RORB: variants seen among roughly 807,000 people sequenced by gnomAD.
RORB encodes the protein RAR related orphan receptor B, also known as nuclear receptor ROR-beta.
A neutral mutation model predicts 59.1 loss-of-function variants in RORB; 6 were observed. The observed-to-expected ratio is 0.10, with a 90% CI of 0.06 to 0.20. The LOEUF (loss-of-function observed/expected upper bound fraction) is 0.20. Among genes scored for constraint, RORB ranks in the 10% least tolerant of loss-of-function variants. The pLI is 1.00. For synonymous variants in RORB, 215 were observed against 204.5 expected, an observed-to-expected ratio of 1.05 and a Z score of -0.44; for missense variants, 320 against 560.5, an observed-to-expected ratio of 0.57 and a Z score of 4.33.
intron 1 of RORB, among the ~76,000 whole-genome samples, chr9:74,621,934 T>C (rs1480544683): frequency 6.6e-6 from 1 of 152,250 alleles, no homozygotes; most frequent in Non-Finnish European, 1.5e-5. Flanking sequence ...TTTGTATATT[T>C]TGGATTCAAG....
chr9:74,571,412 A>AT, intron 1 of RORB, among the ~76,000 whole-genome samples: 1 of 151,904 alleles, frequency 6.6e-6, no homozygotes, highest in African/African-American at 2.4e-5. Context: ...AAAAAAAAAA[A>AT]AAAAACACAG....
At chr9:74,623,898 A>G (rs1365290624) in intron 1 of RORB, among the ~76,000 whole-genome samples, 1 of 152,244 alleles carries the variant, frequency 6.6e-6, no homozygotes, top group Non-Finnish European at 1.5e-5. Context: ...AGCCGCTACA[A>G]CTTATAAAGT....
rs367570994 is a variant in RORB at position 74,685,646 on chromosome 9, A to G, written c.*28A>G. The G allele has an allele frequency of 1.2e-4, 177 of 1,520,738 alleles. No homozygotes were observed. The highest frequency in any genetic ancestry group is 1.6e-4 in the Admixed American group (8 of 51,520). The allele number at this position is 1,520,738 out of a possible 1,614,324, so 94.2% of individuals were successfully genotyped here. A position where few individuals can be genotyped will look rare whatever the true frequency, so the allele number is the denominator to read the frequency against. The stretch of plus-strand genomic sequence containing the variant: ...GGGACAAGAGAACTGTCTCATAGTC[A>G]TGGAATGCATCACCATTAAGACAAA... On this transcript the variant is annotated 3_prime_UTR_variant, in exon 10 of 10. Transcript: ENST00000376896.
intron 5 of RORB, 47 bp from the exon 6 acceptor site, chr9:74,662,427 C>CAGT: frequency 1.2e-6 from 2 of 1,602,892 alleles, no homozygotes; most frequent in Non-Finnish European, 1.7e-6. Context: ...TGTTGACTCT[C>CAGT]CGTAAGTCGT....
intron 1 of RORB, among the ~76,000 whole-genome samples, chr9:74,614,614 AG>A (rs1192892607): frequency 2.0e-5 from 3 of 152,152 alleles, no homozygotes; most frequent in Non-Finnish European, 4.4e-5. Context: ...AAATAAGAAA[AG>A]GTTTGTGATA....
intron 1 of RORB, among the ~76,000 whole-genome samples, chr9:74,590,849 T>C (rs1000845298): frequency 2.6e-5 from 4 of 152,234 alleles, no homozygotes; most frequent in Non-Finnish European, 5.9e-5. Flanking sequence ...TGGAGTGCAG[T>C]GCAGTGGTGC....
chr9:74,534,157 A>G (rs2118108807), intron 1 of RORB, among the ~76,000 whole-genome samples: 1 of 152,128 alleles, frequency 6.6e-6, no homozygotes, highest in East Asian at 1.9e-4. Flanking sequence ...GGCGAGGTTC[A>G]TATACGGATA....
chr9:74,566,525 A>G (rs969674422), intron 1 of RORB, among the ~76,000 whole-genome samples: 15 of 152,188 alleles, frequency 9.9e-5, no homozygotes, highest in Non-Finnish European at 2.1e-4. Flanking sequence ...GGCCGGGCAC[A>G]GTGGCTCACA....
chr9:74,549,294 A>C (rs1483678733), intron 1 of RORB, among the ~76,000 whole-genome samples: 2 of 151,910 alleles, frequency 1.3e-5, no homozygotes, highest in South Asian at 4.2e-4. Context: ...AAATACAAAA[A>C]TTAGCTGGGC....
intron 1 of RORB, among the ~76,000 whole-genome samples, chr9:74,542,437 T>C (rs1254862842): frequency 6.6e-6 from 1 of 152,040 alleles, no homozygotes; most frequent in Non-Finnish European, 1.5e-5. Context: ...TAGACACAAC[T>C]GAAGAGAGAC....
At chr9:74,662,416 C>T in intron 5 of RORB, 58 bp from the exon 6 acceptor site, 3 of 1,576,042 alleles carry the variant, frequency 1.9e-6, no homozygotes, top group South Asian at 2.2e-5. Flanking sequence ...CCTGAGTGTT[C>T]TGTTGACTCT....
At chr9:74,626,950 T>C (rs1382955642) in intron 1 of RORB, among the ~76,000 whole-genome samples, 3 of 152,092 alleles carry the variant, frequency 2.0e-5, no homozygotes, top group African/African-American at 7.2e-5. Context: ...GATCACAAAG[T>C]CAGGAGATCG....
intron 1 of RORB, chr9:74,499,015 T>A (rs925414803): frequency 6.6e-6 from 1 of 152,514 alleles, no homozygotes; most frequent in Non-Finnish European, 1.5e-5. Flanking sequence ...GTGCTCGGCC[T>A]TTCTTCACTC....
intron 9 of RORB, among the ~76,000 whole-genome samples, chr9:74,684,761 A>G (rs577696002): frequency 6.6e-6 from 1 of 152,284 alleles, no homozygotes; most frequent in South Asian, 2.1e-4. Context: ...TGTGTTTCAT[A>G]TTATGCATTA....
Position 74,497,798 on chromosome 9 carries a change from G to A in RORB, c.-179G>A. The A allele has an allele frequency of 1.6e-6, 1 of 607,346 alleles. No individual in the cohort carries two copies. The highest frequency in any genetic ancestry group is 3.0e-6 in the Non-Finnish European group (1 of 338,934). 37.6% of individuals were successfully genotyped at this position (607,346 alleles called of 1,614,324 possible). Reference sequence around the variant, plus strand: ...CCAACATCAAAACTGTTAACATAGCGGCGGCGGCGGCAAACGTCACCCTGC... The same window carrying A: ...CCAACATCAAAACTGTTAACATAGCAGCGGCGGCGGCAAACGTCACCCTGC... On this transcript the variant is annotated 5_prime_UTR_variant, in exon 1 of 10. Coordinates refer to ENST00000376896, the MANE Select transcript of RORB (RefSeq NM_006914.4).
At chr9:74,593,481 A>AC (rs1159446594) in intron 1 of RORB, among the ~76,000 whole-genome samples, 3 of 151,852 alleles carry the variant, frequency 2.0e-5, no homozygotes, top group Non-Finnish European at 4.4e-5. Flanking sequence ...AAAAAAAAAA[A>AC]AAACAAAAGA....
intron 9 of RORB, among the ~76,000 whole-genome samples, chr9:74,684,149 C>T (rs1205374736): frequency 6.6e-6 from 1 of 152,178 alleles, no homozygotes; most frequent in Non-Finnish European, 1.5e-5. Context: ...AATCCTGATG[C>T]TAATTTTAAA....
chr9:74,683,260 T>A (rs997216058), intron 9 of RORB, among the ~76,000 whole-genome samples: 2 of 152,230 alleles, frequency 1.3e-5, no homozygotes, highest in Non-Finnish European at 2.9e-5. Context: ...GTGCAAGAAC[T>A]GTTCCTAAAT....
chr9:74,596,895 T>A (rs1204649313), intron 1 of RORB, among the ~76,000 whole-genome samples: 1 of 152,218 alleles, frequency 6.6e-6, no homozygotes, highest in Non-Finnish European at 1.5e-5. Flanking sequence ...GGCTACCATA[T>A]TAGAGAGTGC....
Sources: allele counts gnomAD v4.1 joint callset (sites outside exome capture counted in the v4.1 genomes callset), GRCh38; gene constraint gnomAD v4.1.1; transcripts MANE v1.5; gene names NCBI Gene and HGNC (gene_info 2026-07-23, HGNC 2026-07-21).